The following LRP1B variants were observed in gnomAD, a reference collection of about 807,000 sequenced individuals.
LRP1B encodes low-density lipoprotein receptor-related protein 1B.
In LRP1B, 217 loss-of-function variants were observed where a neutral mutation model predicts 556.6. That is an observed-to-expected ratio of 0.39 (90% CI 0.35 to 0.44). LRP1B has a LOEUF of 0.44. Among genes scored for constraint, LRP1B ranks in the 20% least tolerant of loss-of-function variants. LRP1B has a pLI of 1.00. For synonymous variants in LRP1B, 2,047 were observed against 1,865.8 expected (o/e 1.10, Z -2.50); for missense variants, 5,053 against 5,620.8 (o/e 0.90, Z 3.23).
chr2:140,689,605 C>T (rs1686167388), intron 41 of LRP1B, among the ~76,000 whole-genome samples: 2 of 152,334 alleles, frequency 1.3e-5, no homozygotes, highest in South Asian at 4.1e-4. Flanking sequence ...ACAGAGCTTA[C>T]TTGGCAGTGA....
chr2:141,970,534 G>C (rs1274975077), intron 1 of LRP1B, among the ~76,000 whole-genome samples: 2 of 151,410 alleles, frequency 1.3e-5, no homozygotes, highest in African/African-American at 2.4e-5. Context: ...TACAAATAAA[G>C]TGTTAGAGGC....
chr2:141,543,756 C>G (rs1422307418), intron 2 of LRP1B, among the ~76,000 whole-genome samples: 1 of 151,612 alleles, frequency 6.6e-6, no homozygotes, highest in African/African-American at 2.4e-5. Flanking sequence ...AACAAATACA[C>G]AGATAAACAA....
chr2:141,097,164 G>A (rs1053247668), intron 7 of LRP1B, among the ~76,000 whole-genome samples: 6 of 152,096 alleles, frequency 3.9e-5, no homozygotes, highest in Non-Finnish European at 7.4e-5. Flanking sequence ...AATTTTACAT[G>A]ATTACAGAGT....
At chr2:141,832,703 T>C (rs1697152102) in intron 1 of LRP1B, among the ~76,000 whole-genome samples, 1 of 151,814 alleles carries the variant, frequency 6.6e-6, no homozygotes, top group African/African-American at 2.4e-5. Flanking sequence ...ATATAAGTTA[T>C]ACATCAGCTA....
rs578080035 is a variant in LRP1B at position 141,893,172 on chromosome 2, A to G, written c.83-82771T>C. On this transcript the variant is annotated intron_variant, in intron 1 of 90. Transcript: ENST00000389484. ...TTAAATAAAAACTATGTCATCTATTAGATGTGCAACTCACTAGGGTGTCAG... is the reference window on the plus strand; with the variant it reads ...TTAAATAAAAACTATGTCATCTATTGGATGTGCAACTCACTAGGGTGTCAG... Among the ~76,000 whole-genome samples the G allele has an allele frequency of 1.5e-4, 23 of 152,258 alleles. No homozygotes were observed. The East Asian group carries it at 4.4e-3, about 29-fold the overall frequency.
intron 18 of LRP1B, 65 bp downstream of exon 18, chr2:140,982,095 G>T: frequency 8.1e-7 from 1 of 1,232,306 alleles, no homozygotes; most frequent in Non-Finnish European, 1.2e-6. Flanking sequence ...TTTAAGGAGG[G>T]TGTAGTGGTA....
intron 1 of LRP1B, among the ~76,000 whole-genome samples, chr2:142,097,681 T>C (rs1706423832): frequency 6.6e-6 from 1 of 151,600 alleles, no homozygotes; most frequent in Non-Finnish European, 1.5e-5. Flanking sequence ...AAAAATATGC[T>C]ACCACAAAAA....
At chr2:142,107,072 GTTGT>G (rs1178741869) in intron 1 of LRP1B, among the ~76,000 whole-genome samples, 5 of 151,992 alleles carry the variant, frequency 3.3e-5, no homozygotes, top group African/African-American at 1.2e-4. Context: ...GTTCTGCTTA[GTTGT>G]TTAATTCTGT....
intron 3 of LRP1B, among the ~76,000 whole-genome samples, chr2:141,311,462 C>G (rs1019715839): frequency 6.6e-6 from 1 of 151,970 alleles, no homozygotes; most frequent in African/African-American, 2.4e-5. Context: ...TTTCAAGGCT[C>G]CACTATAGGC....
chr2:141,514,635 TAAA>T lies in LRP1B; in HGVS notation c.206-34105_206-34103del, dbSNP rs199862061. On this transcript the variant is annotated intron_variant, in intron 2 of 90. Transcript: ENST00000389484. ...AAATTATGATAAGGTTATATCCCAA[TAAA>T]ACCATCATAAGTTGAAAATATTATA... is the stretch of plus-strand genomic sequence containing the variant. 6.1e-4 allele frequency among the ~76,000 whole-genome samples: 93 copies of T among 152,250 alleles called. 1 individual carries two copies. In the East Asian group the frequency reaches 0.017, roughly 28 times the overall value.
chr2:142,060,597 G>A (rs1055519145), intron 1 of LRP1B, among the ~76,000 whole-genome samples: 7 of 152,044 alleles, frequency 4.6e-5, no homozygotes, highest in African/African-American at 1.4e-4. Context: ...TGGCAACATC[G>A]TTGTCTTATA....
At chr2:141,844,029 A>T (rs1697562088) in intron 1 of LRP1B, among the ~76,000 whole-genome samples, 1 of 152,124 alleles carries the variant, frequency 6.6e-6, no homozygotes, top group Non-Finnish European at 1.5e-5. Flanking sequence ...ATGTAATTGC[A>T]CCTTCCCTTC....
At chr2:141,079,336 C>T (rs1019311043) in intron 7 of LRP1B, among the ~76,000 whole-genome samples, 2 of 152,176 alleles carry the variant, frequency 1.3e-5, no homozygotes, top group African/African-American at 4.8e-5. Context: ...TGAGTTTCTA[C>T]TGAAGTACTG....
At chr2:141,597,310 T>C (rs1200973240) in intron 2 of LRP1B, among the ~76,000 whole-genome samples, 1 of 152,052 alleles carries the variant, frequency 6.6e-6, no homozygotes, top group African/African-American at 2.4e-5. Context: ...AATCTACTTC[T>C]GTCTCAAGTT....
intron 3 of LRP1B, among the ~76,000 whole-genome samples, chr2:141,281,490 C>T (rs1379043091): frequency 1.3e-5 from 2 of 151,944 alleles, no homozygotes; most frequent in East Asian, 1.9e-4. Context: ...ATAGATTTGC[C>T]AGGAAGGCAT....
intron 3 of LRP1B, among the ~76,000 whole-genome samples, chr2:141,312,740 G>A (rs1686860660): frequency 6.6e-6 from 1 of 151,736 alleles, no homozygotes; most frequent in African/African-American, 2.4e-5. Context: ...CCAGTCTGGA[G>A]TACAGTGGCA....
chr2:140,669,234 T>TA (rs894915010), intron 41 of LRP1B, among the ~76,000 whole-genome samples: 4 of 151,862 alleles, frequency 2.6e-5, no homozygotes, highest in Admixed American at 1.3e-4. Context: ...TATAGGGATA[T>TA]AAAAAAAATA....
intron 7 of LRP1B, among the ~76,000 whole-genome samples, chr2:141,065,077 T>C (rs1699441994): frequency 1.3e-5 from 2 of 151,928 alleles, no homozygotes; most frequent in African/African-American, 4.8e-5. Context: ...CACAGCTTTT[T>C]GAAAAACTTG....
chr2:140,363,339 T>C (rs17386834), intron 72 of LRP1B, among the ~76,000 whole-genome samples: 3,077 of 151,674 alleles, frequency 0.02, 37 homozygotes, highest in African/African-American at 0.028. Context: ...CTGTGTGGAA[T>C]GCTCCTGAGA....
Sources: allele counts gnomAD v4.1 joint callset (sites outside exome capture counted in the v4.1 genomes callset), GRCh38; gene constraint gnomAD v4.1.1; transcripts MANE v1.5; gene names NCBI Gene and HGNC (gene_info 2026-07-23, HGNC 2026-07-21).